CPQ: variants seen among roughly 807,000 people sequenced by gnomAD.
CPQ encodes the protein carboxypeptidase Q, also known as Ser-Met dipeptidase.
Under a neutral mutation model 45.7 loss-of-function variants are expected in CPQ, and 37 were observed. The observed-to-expected ratio is 0.81, with a 90% CI of 0.62 to 1.07. The LOEUF is 1.07. Among genes scored for constraint, CPQ ranks in the 50% least tolerant of loss-of-function variants. CPQ has a pLI of 0.00. For missense variants in CPQ, 537 were observed against 572.9 expected, an observed-to-expected ratio of 0.94 and a Z score of 0.64; for synonymous variants, 186 against 205.8, an observed-to-expected ratio of 0.90 and a Z score of 0.82.
At chr8:96,983,087 C>G (rs1395231957) in intron 5 of CPQ, among the ~76,000 whole-genome samples, 1 of 152,166 alleles carries the variant, frequency 6.6e-6, no homozygotes, top group Non-Finnish European at 1.5e-5. Flanking sequence ...ATTTCCTTCT[C>G]CCTCTGCAGA....
chr8:96,847,152 G>A lies in CPQ; in HGVS notation c.641+11972G>A, dbSNP rs185809710. ...GGCATTATCTCTGGATTTCTTTATC[G>A]AAAGGTAGCATTCCACCTTTGTAGA... is the stretch of plus-strand genomic sequence containing the variant. On this transcript the variant is annotated intron_variant, in intron 3 of 7. Transcript: ENST00000220763. Among the ~76,000 whole-genome samples the A allele has an allele frequency of 5.8e-4, 88 of 152,182 alleles. No individual in the cohort carries two copies. The East Asian group carries it at 0.014, about 25-fold the overall frequency.
At chr8:97,080,937 C>CTTCCTTCCTTCCTTCT (rs1188118243) in intron 7 of CPQ, among the ~76,000 whole-genome samples, 6 of 151,144 alleles carry the variant, frequency 4.0e-5, no homozygotes, top group Non-Finnish European at 5.9e-5. Flanking sequence ...TCCTTCTTTC[C>CTTCCTTCCTTCCTTCT]TTCCTTCCTT....
intron 1 of CPQ, among the ~76,000 whole-genome samples, chr8:96,724,389 G>A (rs967142961): frequency 6.6e-6 from 1 of 151,798 alleles, no homozygotes; most frequent in African/African-American, 2.4e-5. Flanking sequence ...CAATGTGGTG[G>A]TATTTAGAGG....
chr8:97,051,400 A>G (rs1188786326), intron 6 of CPQ, among the ~76,000 whole-genome samples: 1 of 152,194 alleles, frequency 6.6e-6, no homozygotes, highest in African/African-American at 2.4e-5. Context: ...AGGATTATTT[A>G]ATTATGACTA....
At chr8:96,715,492 C>T (rs1809661681) in intron 1 of CPQ, among the ~76,000 whole-genome samples, 1 of 152,166 alleles carries the variant, frequency 6.6e-6, no homozygotes, top group Non-Finnish European at 1.5e-5. Context: ...TACTCTGAAC[C>T]ATTTCAGAAA....
chr8:96,860,064 G>A (rs1469740771), intron 3 of CPQ, among the ~76,000 whole-genome samples: 1 of 152,102 alleles, frequency 6.6e-6, no homozygotes, highest in Non-Finnish European at 1.5e-5. Context: ...GTACCAAACA[G>A]TTCTACTAGT....
At chr8:96,967,082 A>AT (rs1397455154) in intron 5 of CPQ, among the ~76,000 whole-genome samples, 1 of 152,182 alleles carries the variant, frequency 6.6e-6, no homozygotes, top group Non-Finnish European at 1.5e-5. Flanking sequence ...CGCTATGTTA[A>AT]TTCTCTCCTC....
intron 4 of CPQ, among the ~76,000 whole-genome samples, chr8:96,892,038 A>T (rs1812383590): frequency 6.6e-6 from 1 of 152,142 alleles, no homozygotes; most frequent in South Asian, 2.1e-4. Flanking sequence ...TTTTTAAGAA[A>T]CGTGATGTGA....
intron 4 of CPQ, among the ~76,000 whole-genome samples, chr8:96,928,490 G>A (rs1812922723): frequency 6.6e-6 from 1 of 151,768 alleles, no homozygotes; most frequent in Non-Finnish European, 1.5e-5. Context: ...CAGCAGATAG[G>A]CAGACTTGTG....
chr8:96,898,249 C>G (rs1225948250), intron 4 of CPQ, among the ~76,000 whole-genome samples: 1 of 152,020 alleles, frequency 6.6e-6, no homozygotes, highest in Non-Finnish European at 1.5e-5. Flanking sequence ...TTTTTCTTCC[C>G]CCCAAAATGG....
chr8:96,660,159 T>C (rs1815683027), intron 1 of CPQ, among the ~76,000 whole-genome samples: 1 of 152,226 alleles, frequency 6.6e-6, no homozygotes, highest in Non-Finnish European at 1.5e-5. Context: ...ATGAATTTTC[T>C]CATGGTTGTG....
chr8:96,998,286 C>T (rs938977809), intron 5 of CPQ, among the ~76,000 whole-genome samples: 5 of 151,324 alleles, frequency 3.3e-5, no homozygotes, highest in Admixed American at 6.6e-5. Flanking sequence ...AAAAGACAAC[C>T]GATTGAAATG....
intron 3 of CPQ, among the ~76,000 whole-genome samples, chr8:96,853,565 T>A (rs76923633): frequency 1.8e-5 from 1 of 56,760 alleles, no homozygotes; most frequent in Non-Finnish European, 5.1e-5. Context: ...TGGGCATGAT[T>A]TTTTTTTTTT....
At chr8:97,005,208 A>T (rs774817442) in intron 5 of CPQ, among the ~76,000 whole-genome samples, 12 of 151,724 alleles carry the variant, frequency 7.9e-5, no homozygotes, top group Non-Finnish European at 1.6e-4. Flanking sequence ...CAGCCTCACA[A>T]GTAGCTGGGA....
At chr8:97,042,681 T>A (rs1333224410) in intron 6 of CPQ, among the ~76,000 whole-genome samples, 1 of 151,902 alleles carries the variant, frequency 6.6e-6, no homozygotes, top group Non-Finnish European at 1.5e-5. Context: ...TTCTGGTATG[T>A]TGTGTCTTTG....
chr8:96,654,979 C>T (rs1815621914), intron 1 of CPQ, among the ~76,000 whole-genome samples: 1 of 150,948 alleles, frequency 6.6e-6, no homozygotes, highest in Admixed American at 6.6e-5. Flanking sequence ...TGCATTAAAA[C>T]CCTGTTTAGG....
At chr8:97,016,567 G>T (rs1288530197) in intron 5 of CPQ, among the ~76,000 whole-genome samples, 1 of 152,112 alleles carries the variant, frequency 6.6e-6, no homozygotes, top group Non-Finnish European at 1.5e-5. Context: ...GAAAATTAAT[G>T]GTCTAATGGG....
chr8:96,936,759 G>T (rs1813056235), intron 4 of CPQ, among the ~76,000 whole-genome samples: 1 of 152,140 alleles, frequency 6.6e-6, no homozygotes, highest in Admixed American at 6.5e-5. Flanking sequence ...AAGGGAGTAT[G>T]GTCTGTTTTC....
intron 4 of CPQ, among the ~76,000 whole-genome samples, chr8:96,932,332 G>A (rs10112408): frequency 0.08 from 12,223 of 152,038 alleles, 956 homozygotes; most frequent in African/African-American, 0.21. Flanking sequence ...ACATATACAT[G>A]TTCTCATAAA....
Sources: gnomAD v4.1 joint callset for allele counts (sites outside exome capture counted in the v4.1 genomes callset) on GRCh38, gnomAD v4.1.1 for gene constraint, MANE v1.5 for transcripts, NCBI Gene and HGNC (gene_info 2026-07-23, HGNC 2026-07-21) for gene names.